The following BORCS5 variants were observed in gnomAD, a reference collection of about 807,000 sequenced individuals.
The protein encoded by BORCS5 is BLOC-1-related complex subunit 5.
Under a neutral mutation model 22.1 loss-of-function variants are expected in BORCS5, and 17 were observed. That is an observed-to-expected ratio of 0.77 (90% CI 0.53 to 1.15). The LOEUF is 1.15. Ranked by LOEUF, BORCS5 falls within the 50% of genes most tolerant of loss-of-function variation. The probability of loss-of-function intolerance (pLI) is 0.00; values close to 1 mark genes in which losing one functional copy is unlikely to be tolerated. For missense variants in BORCS5, 247 were observed against 253.2 expected, an observed-to-expected ratio of 0.98 and a Z score of 0.17; for synonymous variants, 117 against 99.8, an observed-to-expected ratio of 1.17 and a Z score of -1.03.
At chr12:12,459,096 A>C (rs1943055022) in intron 3 of BORCS5, among the ~76,000 whole-genome samples, 1 of 151,490 alleles carries the variant, frequency 6.6e-6, no homozygotes, top group Middle Eastern at 3.4e-3. Context: ...GGGTTTCTCC[A>C]TGTTGGTCAG....
chr12:12,459,277 G>A (rs542660174), intron 3 of BORCS5, among the ~76,000 whole-genome samples: 4 of 151,776 alleles, frequency 2.6e-5, no homozygotes, highest in African/African-American at 9.7e-5. Flanking sequence ...AACACTTTTT[G>A]AAACTTAGAA....
intron 1 of BORCS5, among the ~76,000 whole-genome samples, chr12:12,360,601 G>C (rs1044414313): frequency 2.8e-5 from 4 of 141,282 alleles, no homozygotes; most frequent in African/African-American, 1.1e-4. Context: ...TTTAGAGATA[G>C]GGTCTCACTA....
intron 2 of BORCS5, among the ~76,000 whole-genome samples, chr12:12,394,099 G>T (rs1307628331): frequency 6.6e-6 from 1 of 151,942 alleles, no homozygotes; most frequent in South Asian, 2.1e-4. Flanking sequence ...GCTGAGGTGG[G>T]TGGATCACTT....
intron 2 of BORCS5, among the ~76,000 whole-genome samples, chr12:12,368,679 A>G (rs539715988): frequency 2.0e-5 from 3 of 151,606 alleles, no homozygotes; most frequent in East Asian, 1.9e-4. Flanking sequence ...CCTGGGCTCA[A>G]GCAGACCTCC....
intron 3 of BORCS5, among the ~76,000 whole-genome samples, chr12:12,445,529 CTTTTT>C (rs56356376): frequency 1.5e-3 from 57 of 39,006 alleles, no homozygotes; most frequent in Non-Finnish European, 2.2e-3. Flanking sequence ...TTTGAAATAC[CTTTTT>C]TTTTTTTTTT....
chr12:12,384,954 G>T (rs548570943), intron 2 of BORCS5, among the ~76,000 whole-genome samples: 1 of 151,272 alleles, frequency 6.6e-6, no homozygotes, highest in African/African-American at 2.4e-5. Context: ...GCTTTCCTAG[G>T]GGTTGTCCAT....
chr12:12,366,721 A>G (rs1287702114), intron 2 of BORCS5, among the ~76,000 whole-genome samples: 1 of 152,222 alleles, frequency 6.6e-6, no homozygotes, highest in Non-Finnish European at 1.5e-5. Context: ...ACTCTATTGT[A>G]TGTCATTCTA....
At chr12:12,391,907 A>G (rs1555147726) in intron 2 of BORCS5, among the ~76,000 whole-genome samples, 3 of 7,066 alleles carry the variant, frequency 4.2e-4, no homozygotes, top group African/African-American at 9.5e-4. Flanking sequence ...TTAGGCAGGC[A>G]TGGGGGTTTG....
intron 3 of BORCS5, among the ~76,000 whole-genome samples, chr12:12,455,283 A>T (rs1592140642): frequency 6.6e-6 from 1 of 152,230 alleles, no homozygotes; most frequent in Non-Finnish European, 1.5e-5. Flanking sequence ...TGAACCATCC[A>T]TCATGCCTCC....
chr12:12,438,385 A>AAAACAC (rs1555156048), intron 3 of BORCS5, among the ~76,000 whole-genome samples: 5 of 126,106 alleles, frequency 4.0e-5, no homozygotes, highest in African/African-American at 1.6e-4. Flanking sequence ...AAAAAACGAA[A>AAAACAC]AACAACAACA....
At chr12:12,389,895 C>T (rs1004606977) in intron 2 of BORCS5, among the ~76,000 whole-genome samples, 4 of 151,924 alleles carry the variant, frequency 2.6e-5, no homozygotes, top group African/African-American at 7.3e-5. Context: ...CTTCCTGTCT[C>T]GGCCTCCCAA....
intron 2 of BORCS5, among the ~76,000 whole-genome samples, chr12:12,415,079 A>T (rs1381807570): frequency 8.0e-5 from 12 of 149,590 alleles, no homozygotes; most frequent in Admixed American, 6.0e-4. Context: ...GCAGCCAGGC[A>T]GAGAGGCTCC....
chr12:12,435,575 A>C, intron 2 of BORCS5, 53 bp from the exon 3 acceptor site: 2 of 1,494,446 alleles, frequency 1.3e-6, no homozygotes, highest in Non-Finnish European at 1.8e-6. Flanking sequence ...TACTTTATTC[A>C]CAAGTTTATT....
intron 2 of BORCS5, among the ~76,000 whole-genome samples, chr12:12,382,204 T>G (rs964248886): frequency 6.6e-6 from 1 of 151,360 alleles, no homozygotes; most frequent in Non-Finnish European, 1.5e-5. Flanking sequence ...AGCATCTGCT[T>G]CTGGTAAGGA....
At chr12:12,387,888 C>T (rs115902484) in intron 2 of BORCS5, among the ~76,000 whole-genome samples, 1,805 of 151,494 alleles carry the variant, frequency 0.012, 79 homozygotes, top group African/African-American at 0.04. Context: ...CCACGATTAA[C>T]ACACCATGAG....
chr12:12,370,021 G>A (rs545784271), intron 2 of BORCS5, among the ~76,000 whole-genome samples: 140 of 150,294 alleles, frequency 9.3e-4, no homozygotes, highest in Non-Finnish European at 1.7e-3. Flanking sequence ...CACCACGCCC[G>A]GCCCACCTTC....
chr12:12,402,057 C>T (rs1002339149), intron 2 of BORCS5, among the ~76,000 whole-genome samples: 1 of 136,942 alleles, frequency 7.3e-6, no homozygotes, highest in Admixed American at 7.2e-5. Flanking sequence ...CAGAGCGAGA[C>T]TCCGTCTCAA....
At chr12:12,413,141 G>T in intron 2 of BORCS5, among the ~76,000 whole-genome samples, 1 of 68,536 alleles carries the variant, frequency 1.5e-5, no homozygotes. Flanking sequence ...GATCATTCTT[G>T]GGTGTTTCTC....
At chr12:12,384,601 C>T (rs927971135) in intron 2 of BORCS5, among the ~76,000 whole-genome samples, 12 of 150,748 alleles carry the variant, frequency 8.0e-5, no homozygotes, top group African/African-American at 2.2e-4. Context: ...ACTTTTTTGT[C>T]TGTTCATTGC....
Sources: allele counts gnomAD v4.1 joint callset (sites outside exome capture counted in the v4.1 genomes callset), GRCh38; gene constraint gnomAD v4.1.1; transcripts MANE v1.5; gene names NCBI Gene and HGNC (gene_info 2026-07-23, HGNC 2026-07-21).